Variants in UNC5D observed in about 807,000 individuals in gnomAD.
UNC5D encodes the protein netrin receptor UNC5D.
UNC5D carries 39 observed loss-of-function variants against 105.4 expected under a neutral mutation model. That is an observed-to-expected ratio of 0.37 (90% confidence interval 0.29 to 0.48). The LOEUF (loss-of-function observed/expected upper bound fraction) is 0.48. UNC5D is among the 20% of genes least tolerant of loss of function. The pLI, the probability that UNC5D is intolerant of heterozygous loss-of-function variation, is 0.98. For missense variants in UNC5D, 991 were observed against 1,202.4 expected (o/e 0.82, Z 2.60); for synonymous variants, 452 against 450.4 (o/e 1.00, Z -0.04).
At chr8:35,310,804 C>T (rs1808820098) in intron 1 of UNC5D, among the ~76,000 whole-genome samples, 1 of 151,960 alleles carries the variant, frequency 6.6e-6, no homozygotes, top group African/African-American at 2.4e-5. Flanking sequence ...TTTTATTTAA[C>T]TTTAAATACC....
chr8:35,337,471 T>C lies in UNC5D; in HGVS notation c.103+101584T>C, dbSNP rs149510213. On this transcript the variant is annotated intron_variant, in intron 1 of 16. Coordinates refer to ENST00000404895, the MANE Select transcript of UNC5D (RefSeq NM_080872.4). ...TAGTAACATTTTACTTACGCATTGA[T>C]GCTATTCAGTGGATCTGTCCAGGTG... is the stretch of plus-strand genomic sequence containing the variant. Among the ~76,000 whole-genome samples the C allele has an allele frequency of 4.0e-3, 612 of 152,340 alleles. 3 individuals are homozygous for C. The highest frequency in any genetic ancestry group is 0.014 in the African/African-American group (583 of 41,574).
rs1823725040 is a variant in UNC5D, at chr8:35,656,208, A to G, written c.571-27339A>G. 2.0e-5 allele frequency among the ~76,000 whole-genome samples: 3 copies of G among 152,118 alleles called. No homozygotes were observed. The East Asian group carries it at 5.8e-4, about 29-fold the overall frequency. The stretch of plus-strand genomic sequence containing the variant: ...TGCTTACTTGGCTCCTGGCCTCCTG[A>G]GATTTCCACAATAACTTTAGTGCAA... On this transcript the variant is annotated intron_variant, in intron 4 of 16. Coordinates refer to ENST00000404895, the MANE Select transcript of UNC5D (RefSeq NM_080872.4).
intron 16 of UNC5D, among the ~76,000 whole-genome samples, chr8:35,788,258 C>G (rs1037125005): frequency 3.9e-5 from 6 of 152,020 alleles, no homozygotes; most frequent in African/African-American, 1.4e-4. Flanking sequence ...AAAAGCTTGT[C>G]TGTAGTCTGA....
At chr8:35,551,931 A>G (rs900538693) in intron 2 of UNC5D, among the ~76,000 whole-genome samples, 1 of 152,224 alleles carries the variant, frequency 6.6e-6, no homozygotes, top group African/African-American at 2.4e-5. Context: ...AAACTCTATC[A>G]ATAAAGAGAA....
intron 1 of UNC5D, among the ~76,000 whole-genome samples, chr8:35,343,294 C>T (rs945599255): frequency 6.6e-6 from 1 of 152,034 alleles, no homozygotes. Context: ...AATTGTACCA[C>T]CTGTGTATTT....
At chr8:35,329,876 T>C (rs1810478576) in intron 1 of UNC5D, among the ~76,000 whole-genome samples, 1 of 152,138 alleles carries the variant, frequency 6.6e-6, no homozygotes, top group African/African-American at 2.4e-5. Context: ...TGAGCAAGTA[T>C]GGGCAATGCT....
In UNC5D at chr8:35,632,560, C is replaced by G. The variant is rs77660344; in HGVS notation, c.570+36903C>G. Among the ~76,000 whole-genome samples, 988 of 152,328 alleles carry G rather than the reference C, an allele frequency of 6.5e-3. 8 individuals are homozygous for G. The highest frequency in any genetic ancestry group is 0.023 in the African/African-American group (952 of 41,578). On this transcript the variant is annotated intron_variant, in intron 4 of 16. Coordinates refer to ENST00000404895, the MANE Select transcript of UNC5D (RefSeq NM_080872.4). ...AACATTCAACCAGCTGGGGCCTCAT[C>G]CCTGTGCTGTTGCTGCTGCATGCGG...
intron 1 of UNC5D, among the ~76,000 whole-genome samples, chr8:35,337,813 T>A (rs977176384): frequency 1.3e-5 from 2 of 152,216 alleles, no homozygotes; most frequent in African/African-American, 2.4e-5. Context: ...ATTTCAACAT[T>A]TCTAAAGTGG....
intron 1 of UNC5D, among the ~76,000 whole-genome samples, chr8:35,399,001 A>G (rs929576002): frequency 6.6e-6 from 1 of 151,492 alleles, no homozygotes; most frequent in African/African-American, 2.4e-5. Context: ...ACTAAAATAC[A>G]GGGCATGGTG....
Position 35,757,651 on chromosome 8 carries a change from G to A in UNC5D, c.2164-1669G>A, listed in dbSNP as rs902317474. On this transcript the variant is annotated intron_variant, in intron 13 of 16. Transcript: ENST00000404895. ...AACATTGTAAGTTTCCTGGTGGCGA[G>A]GTTGTTTCATTTCTGCACACCCAGT... Among the ~76,000 whole-genome samples the A allele has an allele frequency of 2.0e-5, 3 of 152,148 alleles. No individual in the cohort carries two copies. In the East Asian group the frequency reaches 5.8e-4, roughly 29 times the overall value.
intron 1 of UNC5D, chr8:35,525,225 T>G: frequency 6.2e-7 from 1 of 1,611,808 alleles, no homozygotes; most frequent in Admixed American, 1.7e-5. Context: ...TTGTGAACGT[T>G]GCAGTATCTT....
intron 1 of UNC5D, among the ~76,000 whole-genome samples, chr8:35,374,125 T>C (rs374539412): frequency 9.6e-4 from 147 of 152,332 alleles, no homozygotes; most frequent in East Asian, 3.9e-3. Context: ...TTGATGATAC[T>C]GCATTTCAGT....
intron 1 of UNC5D, among the ~76,000 whole-genome samples, chr8:35,484,822 G>A (rs921383346): frequency 1.3e-5 from 2 of 152,178 alleles, no homozygotes; most frequent in African/African-American, 4.8e-5. Flanking sequence ...ACCCTTTGGA[G>A]ATGGCATTGT....
chr8:35,639,023 A>G (rs1050454014), intron 4 of UNC5D, among the ~76,000 whole-genome samples: 1 of 152,220 alleles, frequency 6.6e-6, no homozygotes, highest in Non-Finnish European at 1.5e-5. Flanking sequence ...TGCTACAGAT[A>G]CCATAGTTAA....
intron 1 of UNC5D, among the ~76,000 whole-genome samples, chr8:35,396,561 G>T (rs1165833037): frequency 6.6e-6 from 1 of 151,712 alleles, no homozygotes; most frequent in African/African-American, 2.4e-5. Context: ...GCAGTGGTGC[G>T]ATCTCAGCTC....
At chr8:35,715,324 T>C (rs1335866626) in intron 8 of UNC5D, among the ~76,000 whole-genome samples, 2 of 152,236 alleles carry the variant, frequency 1.3e-5, no homozygotes, top group East Asian at 3.9e-4. Flanking sequence ...TATTTTTTTT[T>C]CTGAAAGGGC....
intron 1 of UNC5D, among the ~76,000 whole-genome samples, chr8:35,528,234 C>T (rs1306199453): frequency 2.7e-5 from 4 of 146,026 alleles, no homozygotes; most frequent in Admixed American, 1.4e-4. Flanking sequence ...GTGTGATATT[C>T]CCCTTCCTGT....
intron 1 of UNC5D, among the ~76,000 whole-genome samples, chr8:35,402,487 C>T (rs75213374): frequency 0.014 from 2,105 of 152,196 alleles, 27 homozygotes; most frequent in Middle Eastern, 0.024. Flanking sequence ...TCTCCTGCAA[C>T]ACGTGGGAAT....
intron 1 of UNC5D, among the ~76,000 whole-genome samples, chr8:35,436,557 T>G (rs1259435735): frequency 1.3e-5 from 2 of 152,042 alleles, no homozygotes; most frequent in Admixed American, 6.6e-5. Flanking sequence ...GCTGAGAAAC[T>G]TTCTAGTATT....
Sources: allele counts gnomAD v4.1 joint callset (sites outside exome capture counted in the v4.1 genomes callset), GRCh38; gene constraint gnomAD v4.1.1; transcripts MANE v1.5; gene names NCBI Gene and HGNC (gene_info 2026-07-23, HGNC 2026-07-21).